PWP1: variants seen among roughly 807,000 people sequenced by gnomAD.
PWP1 encodes the protein periodic tryptophan protein 1 homolog.
In PWP1, 47 loss-of-function variants were observed where a neutral mutation model predicts 69.9. The ratio of observed to expected loss-of-function variants is 0.67; its 90% CI spans 0.53 to 0.86. PWP1 has a LOEUF of 0.86. PWP1 is among the 40% of genes least tolerant of loss of function. The pLI is 0.00. For synonymous variants in PWP1, 222 were observed against 208.2 expected (o/e 1.07, Z -0.57); for missense variants, 551 against 608.8 (o/e 0.91, Z 1.00).
chr12:107,708,877 T>C, intron 11 of PWP1, 49 bp from the exon 12 acceptor site: 1 of 1,520,354 alleles, frequency 6.6e-7, no homozygotes, highest in East Asian at 2.3e-5. Flanking sequence ...TTACCCATTG[T>C]TAGATTTTGT....
rs375085155 is a variant in PWP1 at position 107,691,799 on chromosome 12, C to T, written c.320-1015C>T. On this transcript the variant is annotated intron_variant, in intron 3 of 14. Transcript: ENST00000412830. ...TCTAGATGTTCATTCCTCCGTTTTC[C>T]TCATTCGCTTGGCCATCTGTCCTAT... is the stretch of plus-strand genomic sequence containing the variant. Among the ~76,000 whole-genome samples, 5 of 152,042 alleles carry T rather than the reference C, an allele frequency of 3.3e-5. No homozygotes were observed. The East Asian group carries it at 5.8e-4, about 18-fold the overall frequency.
intron 1 of PWP1, among the ~76,000 whole-genome samples, chr12:107,686,778 AAC>A (rs1291764117): frequency 2.6e-5 from 4 of 152,114 alleles, no homozygotes; most frequent in Admixed American, 2.6e-4. Context: ...CATCCTGGCT[AAC>A]ACGGTGAAAC....
At chr12:107,700,074 A>G (rs1319249855) in intron 8 of PWP1, among the ~76,000 whole-genome samples, 2 of 152,170 alleles carry the variant, frequency 1.3e-5, no homozygotes, top group Admixed American at 6.5e-5. Flanking sequence ...CCCATTCACT[A>G]TCATGAGAAC....
intron 7 of PWP1, among the ~76,000 whole-genome samples, chr12:107,698,387 A>G (rs1019584757): frequency 6.6e-6 from 1 of 152,030 alleles, no homozygotes; most frequent in Admixed American, 6.6e-5. Context: ...TAGGCCAGTC[A>G]TAGTAGCTCA....
At chr12:107,688,888 A>C (rs1041410030) in intron 3 of PWP1, 86 bp downstream of exon 3, 2 of 1,343,916 alleles carry the variant, frequency 1.5e-6, no homozygotes, top group Non-Finnish European at 2.0e-6. Flanking sequence ...TTACTCTTAG[A>C]TTTTATTGTT....
chr12:107,696,955 G>C (rs1190019028), intron 6 of PWP1, among the ~76,000 whole-genome samples: 1 of 152,204 alleles, frequency 6.6e-6, no homozygotes, highest in Non-Finnish European at 1.5e-5. Context: ...AGCTAAAACC[G>C]AAATGAAGAG....
At chr12:107,694,688 T>A (rs961848122) in intron 5 of PWP1, among the ~76,000 whole-genome samples, 7 of 151,856 alleles carry the variant, frequency 4.6e-5, no homozygotes, top group African/African-American at 1.7e-4. Context: ...CCTATTAGAG[T>A]TTTTTTTGTC....
intron 1 of PWP1, among the ~76,000 whole-genome samples, chr12:107,687,794 G>T (rs918926160): frequency 2.0e-5 from 3 of 152,068 alleles, no homozygotes; most frequent in African/African-American, 4.8e-5. Context: ...CACTTTGGGA[G>T]CCCGAGGCAG....
At chr12:107,703,658 C>A in intron 9 of PWP1, 27 bp from the exon 10 acceptor site, 1 of 1,566,692 alleles carries the variant, frequency 6.4e-7, no homozygotes, top group South Asian at 1.1e-5. Context: ...CAACAGAGAT[C>A]TCTGCATTTA....
At position 107,704,704 on chromosome 12, in the gene PWP1, T is replaced by TA. The variant is rs1566081750; in HGVS notation, c.1035dup (p.Glu346ArgfsTer19). On this transcript the variant is annotated frameshift_variant, in exon 11 of 15. Coordinates refer to ENST00000412830, the MANE Select transcript of PWP1 (RefSeq NM_007062.3). LOFTEE classifies it high-confidence loss of function. ...CGAATGTGGCGATTCAGTGGGCAGA[T>TA]AGAGAGAGTGACTTGGAATCACTTT... 21 of 1,614,028 alleles carry TA rather than the reference T, an allele frequency of 1.3e-5. No individual in the cohort carries two copies. Among genetic ancestry groups the TA allele is most frequent in the Non-Finnish European group, 1.8e-5 (21 of 1,179,912 alleles).
chr12:107,693,066 G>C lies in PWP1; in HGVS notation c.472G>C (p.Glu158Gln). 6.2e-7 allele frequency: 1 copy of C among 1,613,954 alleles called. No individual in the cohort carries two copies. The highest frequency in any genetic ancestry group is 8.5e-7 in the Non-Finnish European group (1 of 1,179,964). ...SDNLIVCGRA[E>Q]QDQCNLEVHV... ...TAATCTTATAGTTTGTGGCCGAGCT[G>C]AACAGGACCAGTGCAATTTAGAGGT... Residue 158 changes from glutamate to glutamine, a missense_variant, in exon 5 of 15, where the codon GAA (glutamate) becomes CAA (glutamine). Coordinates refer to ENST00000412830, the MANE Select transcript of PWP1 (RefSeq NM_007062.3).
chr12:107,698,193 C>T lies in PWP1; in HGVS notation c.744+596C>T, dbSNP rs577416899. Among the ~76,000 whole-genome samples the T allele has an allele frequency of 2.6e-4, 40 of 152,302 alleles. 1 individual carries two copies. Among genetic ancestry groups the T allele is most frequent in the African/African-American group, 8.9e-4 (37 of 41,574 alleles). ...CCTGGCCAACATGGTGAAACCCTGT[C>T]TCTACTAAATATACAAAAATTAGCC... is the stretch of plus-strand genomic sequence containing the variant. On this transcript the variant is annotated intron_variant, in intron 7 of 14. Coordinates refer to ENST00000412830, the MANE Select transcript of PWP1 (RefSeq NM_007062.3).
chr12:107,704,650 A>T lies in PWP1; in HGVS notation c.980A>T (p.Tyr327Phe). 1 of 1,613,940 alleles carries T rather than the reference A, an allele frequency of 6.2e-7. No individual in the cohort carries two copies. Among genetic ancestry groups the T allele is most frequent in the Non-Finnish European group, 8.5e-7 (1 of 1,179,858 alleles). ...SGSYDKSVALYDCRSPDESHR... is the reference protein window; with the variant it reads ...SGSYDKSVALFDCRSPDESHR... ...AATGTGTCTAGGTCAGTGGCTTTGT[A>T]TGACTGCCGAAGTCCAGATGAAAGC... is the stretch of plus-strand genomic sequence containing the variant. The change falls in exon 11 of 15, where the codon TAT becomes TTT. Residue 327 changes from tyrosine to phenylalanine, a missense_variant. By Grantham distance (22) the Tyr-to-Phe change is conservative. Coordinates refer to ENST00000412830, the MANE Select transcript of PWP1 (RefSeq NM_007062.3).
At chr12:107,703,885 C>T in intron 10 of PWP1, 139 bp downstream of exon 10, 1 of 743,462 alleles carries the variant, frequency 1.3e-6, no homozygotes, top group Non-Finnish European at 2.2e-6. Flanking sequence ...CTTATTTTTC[C>T]TTTTAACTCT....
At chr12:107,708,381 C>G (rs1293121676) in intron 11 of PWP1, among the ~76,000 whole-genome samples, 3 of 152,176 alleles carry the variant, frequency 2.0e-5, no homozygotes, top group Non-Finnish European at 4.4e-5. Flanking sequence ...GCTCAGGTTT[C>G]TGTCTCCCAT....
chr12:107,710,556 A>AAAG, intron 14 of PWP1, 46 bp downstream of exon 14: 1 of 1,250,772 alleles, frequency 8.0e-7, no homozygotes, highest in Non-Finnish European at 1.1e-6. Context: ...CCCCTGTAAA[A>AAAG]AAAAAAAAAA....
Position 107,688,887 on chromosome 12 carries a change from G to T in PWP1, c.319+85G>T, listed in dbSNP as rs942805776. Reference sequence around the variant, plus strand: ...GTGGTGTTCCAAAGCTTTACTCTTAGATTTTATTGTTCTTGACATCAGTAA... The same window carrying T: ...GTGGTGTTCCAAAGCTTTACTCTTATATTTTATTGTTCTTGACATCAGTAA... On this transcript the variant is annotated intron_variant, in intron 3 of 14. Coordinates refer to ENST00000412830, the MANE Select transcript of PWP1 (RefSeq NM_007062.3). 17 of 1,347,580 alleles carry T rather than the reference G, an allele frequency of 1.3e-5. No individual in the cohort carries two copies. The African/African-American group carries it at 2.2e-4, about 17-fold the overall frequency. The allele number at this position is 1,347,580 out of a possible 1,614,324, so 83.5% of individuals were successfully genotyped here.
In PWP1 at chr12:107,708,916, C is replaced by G; in HGVS notation, c.1078-10C>G. The stretch of plus-strand genomic sequence containing the variant: ...GTAGCATGACCTTGCCCATCTTTTA[C>G]TCTTTCTAGGCCAGTACAGATGACG... On this transcript the variant is annotated splice_polypyrimidine_tract_variant and intron_variant, in intron 11 of 14. Coordinates refer to ENST00000412830, the MANE Select transcript of PWP1 (RefSeq NM_007062.3). The G allele has an allele frequency of 1.2e-6, 2 of 1,611,430 alleles. No homozygotes were observed. Among genetic ancestry groups the G allele is most frequent in the Non-Finnish European group, 1.7e-6 (2 of 1,178,918 alleles).
At chr12:107,710,307 A>C in intron 13 of PWP1, 98 bp from the exon 14 acceptor site, 3 of 1,513,000 alleles carry the variant, frequency 2.0e-6, no homozygotes, top group Non-Finnish European at 2.7e-6. Context: ...GTTTTGAATA[A>C]CCATTTAAAT....
Sources: allele counts gnomAD v4.1 joint callset (sites outside exome capture counted in the v4.1 genomes callset), GRCh38; gene constraint gnomAD v4.1.1; transcripts MANE v1.5; gene names NCBI Gene and HGNC (gene_info 2026-07-23, HGNC 2026-07-21).